The following UPF2 variants were observed in gnomAD, a reference collection of about 807,000 sequenced individuals.
The protein encoded by UPF2 is regulator of nonsense transcripts 2.
In UPF2, 17 loss-of-function variants were observed where a neutral mutation model predicts 141.4. The observed-to-expected ratio is 0.12, with a 90% CI of 0.08 to 0.18. UPF2 has a LOEUF of 0.18. UPF2 is among the 10% of genes least tolerant of loss of function. The pLI, the probability that UPF2 is intolerant of heterozygous loss-of-function variation, is 1.00. For missense variants in UPF2, 1,152 were observed against 1,515.9 expected (o/e 0.76, Z 3.99); for synonymous variants, 540 against 498.0 (o/e 1.08, Z -1.12).
In UPF2 at chr10:11,939,260, T is replaced by C. The variant is rs561840227; in HGVS notation, c.3379-2548A>G. 2.6e-5 allele frequency among the ~76,000 whole-genome samples: 4 copies of C among 152,294 alleles called. No individual in the cohort carries two copies. The East Asian group carries it at 5.8e-4, about 22-fold the overall frequency. ...CTGACAGCACTATGCAAAGAATAGATGTAAAGCACTTGATGCAGGGCCCAA... is the reference window on the plus strand; with the variant it reads ...CTGACAGCACTATGCAAAGAATAGACGTAAAGCACTTGATGCAGGGCCCAA... On this transcript the variant is annotated intron_variant, in intron 18 of 21. Coordinates refer to ENST00000357604, the MANE Select transcript of UPF2 (RefSeq NM_015542.4). This position sits in a 1 kb window ranked among gnomAD's most constrained non-coding sequence, Gnocchi z 4.8.
chr10:11,968,263 T>C (rs935951812), intron 9 of UPF2, among the ~76,000 whole-genome samples: 101 of 152,164 alleles, frequency 6.6e-4, no homozygotes, highest in African/African-American at 2.0e-3. Flanking sequence ...TCCCAAGATG[T>C]GCTCTGCAAA....
In UPF2 at chr10:11,961,701, A is replaced by T. The variant is rs116584458; in HGVS notation, c.2184+2308T>A. ...GGGGCTGTATCTTTTTCACTGTCAC[A>T]TACGTAGCACCTAAAACAGTGCCTG... On this transcript the variant is annotated intron_variant, in intron 11 of 21. Coordinates refer to ENST00000357604, the MANE Select transcript of UPF2 (RefSeq NM_015542.4). Among the ~76,000 whole-genome samples the T allele has an allele frequency of 7.2e-3, 1,092 of 152,296 alleles. 12 individuals are homozygous for T. Among genetic ancestry groups the T allele is most frequent in the African/African-American group, 0.024 (1,015 of 41,564 alleles).
rs1418981177 is a variant in UPF2 at position 12,042,543 on chromosome 10, G to A, written c.-19+212C>T. Among the ~76,000 whole-genome samples, 1 of 152,176 alleles carries A rather than the reference G, an allele frequency of 6.6e-6. No individual in the cohort carries two copies. Among genetic ancestry groups the A allele is most frequent in the East Asian group, 1.9e-4 (1 of 5,170 alleles). On this transcript the variant is annotated intron_variant, in intron 1 of 21. Coordinates refer to ENST00000357604, the MANE Select transcript of UPF2 (RefSeq NM_015542.4). This position sits in a 1 kb window ranked among gnomAD's most constrained non-coding sequence, Gnocchi z 5.5. Reference sequence around the variant, plus strand: ...GCCCCCCAAGCATGGCCCGGCCCGGGGGCTCCCGCGTTGATGGGAGCCTCG... The same window carrying A: ...GCCCCCCAAGCATGGCCCGGCCCGGAGGCTCCCGCGTTGATGGGAGCCTCG...
At position 11,936,863 on chromosome 10, in the gene UPF2, C is replaced by T; in HGVS notation, c.3379-151G>A. The T allele has an allele frequency of 1.4e-6, 1 of 721,204 alleles. No homozygotes were observed. Among genetic ancestry groups the T allele is most frequent in the Non-Finnish European group, 2.1e-6 (1 of 478,322 alleles). The allele number at this position is 721,204 out of a possible 1,614,324, so 44.7% of individuals were successfully genotyped here. On this transcript the variant is annotated intron_variant, in intron 18 of 21. Transcript: ENST00000357604. The surrounding 1 kb of genome is among the most constrained non-coding windows in gnomAD (Gnocchi z 6.6). ...CAACAATTACAACCACCATAATACT[C>T]TTTCTGAAACGTGGATAAATCTAGG...
chr10:11,969,474 C>T lies in UPF2; in HGVS notation c.1954-2020G>A, dbSNP rs143410318. On this transcript the variant is annotated intron_variant, in intron 9 of 21. Transcript: ENST00000357604. ...TGTGAGACACTGCTCCCAGCCAGAA[C>T]TTTTTTTTAATGACATCATTTAAGC... 1.3e-4 allele frequency among the ~76,000 whole-genome samples: 19 copies of T among 151,902 alleles called. No homozygotes were observed. The East Asian group carries it at 3.3e-3, about 26-fold the overall frequency.
chr10:12,010,669 T>C (rs1241763676), intron 4 of UPF2, among the ~76,000 whole-genome samples: 1 of 152,050 alleles, frequency 6.6e-6, no homozygotes, highest in African/African-American at 2.4e-5. Context: ...GAAAACACAA[T>C]TGAAAAATAA....
At chr10:11,970,901 A>T (rs191192900) in intron 9 of UPF2, among the ~76,000 whole-genome samples, 18 of 152,100 alleles carry the variant, frequency 1.2e-4, no homozygotes, top group African/African-American at 3.1e-4. Context: ...ATATATATAT[A>T]TTTTTAAATC....
rs1051921387 is a variant in UPF2, at chr10:11,939,072, G to A, written c.3379-2360C>T. Reference sequence around the variant, plus strand: ...TATTTACTGGAGACGGGGTTTCACCGTGTTAGCTAGGAGGGTCTCGATCTC... The same window carrying A: ...TATTTACTGGAGACGGGGTTTCACCATGTTAGCTAGGAGGGTCTCGATCTC... On this transcript the variant is annotated intron_variant, in intron 18 of 21. Transcript: ENST00000357604. This position sits in a 1 kb window ranked among gnomAD's most constrained non-coding sequence, Gnocchi z 4.8. Among the ~76,000 whole-genome samples, 3 of 151,716 alleles carry A rather than the reference G, an allele frequency of 2.0e-5. No individual in the cohort carries two copies. Among genetic ancestry groups the A allele is most frequent in the Non-Finnish European group, 4.4e-5 (3 of 67,938 alleles).
At chr10:11,925,749 A>C (rs1415344974) in intron 21 of UPF2, among the ~76,000 whole-genome samples, 2 of 152,256 alleles carry the variant, frequency 1.3e-5, no homozygotes, top group East Asian at 3.8e-4. Flanking sequence ...AGACTGTTCC[A>C]CACAGAGGAG....
chr10:12,031,682 G>A (rs1414572038), intron 2 of UPF2, among the ~76,000 whole-genome samples: 3 of 151,646 alleles, frequency 2.0e-5, no homozygotes, highest in Admixed American at 6.6e-5. Flanking sequence ...AGGCTGAGAC[G>A]GGGGGATCGC....
At chr10:12,008,449 T>A (rs1350982736) in intron 4 of UPF2, among the ~76,000 whole-genome samples, 1 of 151,534 alleles carries the variant, frequency 6.6e-6, no homozygotes, top group East Asian at 1.9e-4. Flanking sequence ...GCTAACATAG[T>A]GAAACCCTAT....
At chr10:11,981,340 A>G (rs188871210) in intron 8 of UPF2, among the ~76,000 whole-genome samples, 3 of 152,344 alleles carry the variant, frequency 2.0e-5, no homozygotes, top group Admixed American at 6.5e-5. Context: ...GGCCTCTTAC[A>G]TATATAACTC....
At chr10:12,024,438 C>T (rs1375841995) in intron 3 of UPF2, among the ~76,000 whole-genome samples, 1 of 151,906 alleles carries the variant, frequency 6.6e-6, no homozygotes, top group Non-Finnish European at 1.5e-5. Context: ...GGCGAAACCC[C>T]GTCTCTACTA....
rs1259506712 is a variant in UPF2, at chr10:11,956,203, A to G, written c.2574+117T>C. Reference sequence around the variant, plus strand: ...AGGAAATTCTTATAAAATGATTATCAGCTTTTTCTAACTAATAAATTTACA... The same window carrying G: ...AGGAAATTCTTATAAAATGATTATCGGCTTTTTCTAACTAATAAATTTACA... On this transcript the variant is annotated intron_variant, in intron 13 of 21. Transcript: ENST00000357604. This position sits in a 1 kb window ranked among gnomAD's most constrained non-coding sequence, Gnocchi z 4.2. The G allele has an allele frequency of 1.0e-5, 10 of 966,436 alleles. No homozygotes were observed. In the Admixed American group the frequency reaches 1.3e-4, roughly 13 times the overall value. 59.9% of individuals were successfully genotyped at this position (966,436 alleles called of 1,614,324 possible).
intron 8 of UPF2, among the ~76,000 whole-genome samples, chr10:11,990,774 G>A (rs1833766159): frequency 6.6e-6 from 1 of 151,592 alleles, no homozygotes; most frequent in African/African-American, 2.4e-5. Context: ...AGATCACTAG[G>A]TCAGGAGATC....
At chr10:11,976,590 T>C (rs1004168237) in intron 9 of UPF2, among the ~76,000 whole-genome samples, 5 of 152,204 alleles carry the variant, frequency 3.3e-5, no homozygotes, top group Non-Finnish European at 7.3e-5. Context: ...ATGAAAACTT[T>C]CTAAGTATCA....
intron 8 of UPF2, among the ~76,000 whole-genome samples, chr10:11,990,989 C>CAA (rs34436794): frequency 4.3e-5 from 4 of 93,216 alleles, no homozygotes; most frequent in African/African-American, 1.5e-4. Context: ...GACTCCATCT[C>CAA]AAAAAAAAAA....
chr10:12,001,412 T>G (rs2048018), intron 6 of UPF2, among the ~76,000 whole-genome samples: 1 of 151,898 alleles, frequency 6.6e-6, no homozygotes, highest in African/African-American at 2.4e-5. Context: ...GAGACTTAGT[T>G]TCAGAAAAAA....
Position 12,042,433 on chromosome 10 carries a change from G to A in UPF2, c.-19+322C>T, listed in dbSNP as rs1010435625. On this transcript the variant is annotated intron_variant, in intron 1 of 21. Transcript: ENST00000357604. This position sits in a 1 kb window ranked among gnomAD's most constrained non-coding sequence, Gnocchi z 5.5. ...TCCCCTCGCTCTCCTCCACGCCCCC[G>A]AACACTTTCGCCCCTCCACCGCGGG... 6.6e-6 allele frequency among the ~76,000 whole-genome samples: 1 copy of A among 151,912 alleles called. No individual in the cohort carries two copies. The highest frequency in any genetic ancestry group is 2.4e-5 in the African/African-American group (1 of 41,414).
Sources: gnomAD v4.1 joint callset for allele counts (sites outside exome capture counted in the v4.1 genomes callset) on GRCh38, gnomAD v4.1.1 for gene constraint, Gnocchi (gnomAD v3.1) non-coding constraint, MANE v1.5 for transcripts, NCBI Gene and HGNC (gene_info 2026-07-23, HGNC 2026-07-21) for gene names.